SGCD: variants seen among roughly 807,000 people sequenced by gnomAD.
The protein encoded by SGCD is sarcoglycan delta.
A neutral mutation model predicts 36.6 loss-of-function variants in SGCD; 18 were observed. The observed-to-expected ratio is 0.49, with a 90% CI of 0.34 to 0.73. The LOEUF is 0.73. Ranked by LOEUF, SGCD falls within the 30% of genes least tolerant of loss-of-function variation. The pLI is 0.01. For synonymous variants in SGCD, 133 were observed against 130.6 expected (o/e 1.02, Z -0.12); for missense variants, 387 against 346.7 (o/e 1.12, Z -0.92).
chr5:156,356,886 G>A (rs569559861), intron 3 of SGCD, among the ~76,000 whole-genome samples: 59 of 152,188 alleles, frequency 3.9e-4, no homozygotes, highest in Admixed American at 5.9e-4. Flanking sequence ...AGAAGCAGAG[G>A]TTGGCATGAT....
intron 7 of SGCD, among the ~76,000 whole-genome samples, chr5:156,680,663 T>C (rs1753684334): frequency 6.6e-6 from 1 of 151,944 alleles, no homozygotes. Flanking sequence ...ACCTAATACA[T>C]GTGAAAGTCA....
intron 1 of SGCD, among the ~76,000 whole-genome samples, chr5:155,894,328 A>T (rs903016348): frequency 1.3e-5 from 2 of 152,192 alleles, no homozygotes; most frequent in Admixed American, 6.5e-5. Flanking sequence ...TTATAATCTT[A>T]TGGGACCAGT....
In SGCD at chr5:156,051,085, A is replaced by G. The variant is rs113590594; in HGVS notation, c.-281-66793A>G. On this transcript the variant is annotated intron_variant, in intron 1 of 9. Transcript: ENST00000517913. Reference sequence around the variant, plus strand: ...GAAACTAATATTATAGCTGAAATAAACACTAAGCATTTCATTTTAAAAAAG... The same window carrying G: ...GAAACTAATATTATAGCTGAAATAAGCACTAAGCATTTCATTTTAAAAAAG... Among the ~76,000 whole-genome samples the G allele has an allele frequency of 2.6e-3, 375 of 146,818 alleles. 24 individuals carry two copies. Among genetic ancestry groups the G allele is most frequent in the African/African-American group, 9.0e-3 (367 of 40,880 alleles).
chr5:155,923,127 C>A (rs1046994473), intron 1 of SGCD, among the ~76,000 whole-genome samples: 3 of 152,108 alleles, frequency 2.0e-5, no homozygotes, highest in African/African-American at 7.2e-5. Flanking sequence ...CAAAGGTGAG[C>A]AAGACTAAGC....
chr5:156,220,741 C>T (rs1441545531), intron 3 of SGCD, among the ~76,000 whole-genome samples: 2 of 152,106 alleles, frequency 1.3e-5, no homozygotes, highest in African/African-American at 4.8e-5. Context: ...TACATATCAG[C>T]CCCTCTCCCA....
At chr5:156,645,421 G>A (rs1408327768) in intron 6 of SGCD, among the ~76,000 whole-genome samples, 1 of 152,024 alleles carries the variant, frequency 6.6e-6, no homozygotes, top group Non-Finnish European at 1.5e-5. Context: ...GGAAAGAAAT[G>A]GCCTTTTTGA....
the SGCD span, among the ~76,000 whole-genome samples, chr5:155,818,390 C>A: frequency 6.6e-6 from 1 of 151,934 alleles, no homozygotes; most frequent in Non-Finnish European, 1.5e-5. Flanking sequence ...AAGGAATGGG[C>A]AGAGTTCAGA....
chr5:156,124,097 T>C (rs2127603596), intron 3 of SGCD: 1 of 152,358 alleles, frequency 6.6e-6, no homozygotes, highest in African/African-American at 2.4e-5. Flanking sequence ...GCAGCCTTTC[T>C]CCTCCCCCTT....
chr5:156,413,117 C>T (rs976676181), intron 3 of SGCD, among the ~76,000 whole-genome samples: 4 of 152,130 alleles, frequency 2.6e-5, no homozygotes, highest in African/African-American at 7.2e-5. Flanking sequence ...TTCTTGTTCT[C>T]ATCGAGGACA....
At chr5:156,046,980 A>G (rs1388688757) in intron 1 of SGCD, among the ~76,000 whole-genome samples, 1 of 152,182 alleles carries the variant, frequency 6.6e-6, no homozygotes, top group East Asian at 1.9e-4. Context: ...GATTACATGA[A>G]TGATTAAAAC....
At chr5:156,143,043 G>A (rs1358335866) in intron 3 of SGCD, among the ~76,000 whole-genome samples, 1 of 152,214 alleles carries the variant, frequency 6.6e-6, no homozygotes, top group African/African-American at 2.4e-5. Flanking sequence ...CAGAGGCTTA[G>A]GAGGGAAGAA....
At position 156,151,188 on chromosome 5, in the gene SGCD, C is replaced by G. The variant is rs376067664; in HGVS notation, c.-44+27169C>G. Among the ~76,000 whole-genome samples the G allele has an allele frequency of 8.6e-5, 13 of 151,680 alleles. No homozygotes were observed. The South Asian group carries it at 2.1e-3, about 24-fold the overall frequency. The stretch of plus-strand genomic sequence containing the variant: ...ACACAAGAAATTCCTGCTTTCTCCT[C>G]TTTCCTATCTCCATTCTTTACATGA... On this transcript the variant is annotated intron_variant, in intron 3 of 9. Coordinates refer to the SGCD transcript ENST00000517913.
intron 1 of SGCD, among the ~76,000 whole-genome samples, chr5:156,033,488 T>C (rs1263367858): frequency 2.3e-4 from 35 of 152,188 alleles, no homozygotes; most frequent in Non-Finnish European, 4.4e-5. Flanking sequence ...GAACATGCAG[T>C]ATTTGACTTT....
chr5:156,727,707 A>G (rs773447652), intron 7 of SGCD, among the ~76,000 whole-genome samples: 7 of 152,220 alleles, frequency 4.6e-5, no homozygotes, highest in Non-Finnish European at 4.4e-5. Flanking sequence ...ATAAATGAGA[A>G]TAATAATGCC....
At chr5:155,971,495 A>G (rs1758005788) in intron 1 of SGCD, among the ~76,000 whole-genome samples, 1 of 152,090 alleles carries the variant, frequency 6.6e-6, no homozygotes, top group Non-Finnish European at 1.5e-5. Flanking sequence ...TTTAAGTATA[A>G]TTTCCAGGAA....
chr5:156,169,351 A>G (rs4704984), intron 3 of SGCD, among the ~76,000 whole-genome samples: 49,584 of 152,086 alleles, frequency 0.33, 8,698 homozygotes, highest in Admixed American at 0.41. Flanking sequence ...ATAACCACAC[A>G]TTTTGTAAAC....
chr5:156,741,954 A>G (rs2113088171), intron 7 of SGCD, among the ~76,000 whole-genome samples: 1 of 151,784 alleles, frequency 6.6e-6, no homozygotes, highest in East Asian at 1.9e-4. Flanking sequence ...CAGCTCACTG[A>G]AAGCTCCACC....
intron 3 of SGCD, among the ~76,000 whole-genome samples, chr5:156,347,384 G>A (rs1769006094): frequency 6.6e-6 from 1 of 152,172 alleles, no homozygotes; most frequent in African/African-American, 2.4e-5. Context: ...TTAAACAGGA[G>A]AATACTGAAG....
chr5:156,341,313 T>C (rs1409157218), intron 2 of SGCD, among the ~76,000 whole-genome samples: 2 of 152,138 alleles, frequency 1.3e-5, no homozygotes, highest in Non-Finnish European at 2.9e-5. Context: ...ACTCCACTTT[T>C]TTTATTTTTT....
Sources: gnomAD v4.1 joint callset for allele counts (sites outside exome capture counted in the v4.1 genomes callset) on GRCh38, gnomAD v4.1.1 for gene constraint, MANE v1.5 for transcripts, NCBI Gene and HGNC (gene_info 2026-07-23, HGNC 2026-07-21) for gene names.